Variants in BAZ2B observed in about 807,000 individuals in gnomAD.
The protein encoded by BAZ2B is bromodomain adjacent to zinc finger domain 2B, also known as bromodomain adjacent to zinc finger domain protein 2B.
A neutral mutation model predicts 246.0 loss-of-function variants in BAZ2B; 91 were observed. The ratio of observed to expected loss-of-function variants is 0.37; its 90% CI spans 0.31 to 0.44. The LOEUF is 0.44. Among genes scored for constraint, BAZ2B ranks in the 20% least tolerant of loss-of-function variants. The pLI, the probability that BAZ2B is intolerant of heterozygous loss-of-function variation, is 1.00. For synonymous variants in BAZ2B, 855 were observed against 860.0 expected (o/e 0.99, Z 0.10); for missense variants, 2,332 against 2,533.7 (o/e 0.92, Z 1.71).
intron 13 of BAZ2B, among the ~76,000 whole-genome samples, chr2:159,413,478 C>G (rs1301507635): frequency 1.3e-5 from 2 of 152,084 alleles, no homozygotes; most frequent in African/African-American, 4.8e-5. Context: ...GAGGCCGAGG[C>G]AGGCAGATCA....
chr2:159,375,221 C>A (rs1002378258), intron 25 of BAZ2B, among the ~76,000 whole-genome samples: 2 of 151,934 alleles, frequency 1.3e-5, no homozygotes, highest in South Asian at 4.1e-4. Flanking sequence ...CAAAACATAG[C>A]AAACCACACA....
At chr2:159,535,841 C>G (rs558265327) in intron 2 of BAZ2B, among the ~76,000 whole-genome samples, 1 of 152,262 alleles carries the variant, frequency 6.6e-6, no homozygotes, top group Admixed American at 6.5e-5. Flanking sequence ...CTGCAGCTAC[C>G]AGGTCACTTC....
At chr2:159,318,006 T>C (rs558101128), downstream of BAZ2B, among the ~76,000 whole-genome samples, 4 of 152,318 alleles carry the variant, frequency 2.6e-5, no homozygotes, top group East Asian at 5.8e-4. Context: ...CCTTTCTTTT[T>C]TTCCTATTTA....
intron 31 of BAZ2B, among the ~76,000 whole-genome samples, chr2:159,340,202 A>T (rs2066397679): frequency 6.6e-6 from 1 of 152,052 alleles, no homozygotes; most frequent in Admixed American, 6.5e-5. Flanking sequence ...TTGAAGTAAC[A>T]TAGGCAGACC....
rs1383664520 is a variant in BAZ2B, at chr2:159,599,456, T to A, written c.-46+16786A>T. Among the ~76,000 whole-genome samples, 8 of 151,256 alleles carry A rather than the reference T, an allele frequency of 5.3e-5. No individual in the cohort carries two copies. In the East Asian group the frequency reaches 1.6e-3, roughly 30 times the overall value. ...CAACATGGAGAAACCCCGTCTCTAC[T>A]AAAAAGACAAATTTAGCCAGGTGTG... On this transcript the variant is annotated intron_variant, in intron 1 of 36. Coordinates refer to ENST00000392783, the MANE Select transcript of BAZ2B (RefSeq NM_013450.4).
At chr2:159,354,248 T>C (rs770647929) in intron 27 of BAZ2B, among the ~76,000 whole-genome samples, 88 of 152,178 alleles carry the variant, frequency 5.8e-4, no homozygotes, top group Non-Finnish European at 1.2e-3. Context: ...AGATGACTTA[T>C]TTGTATCTAA....
At chr2:159,627,012 A>G in the BAZ2B span, among the ~76,000 whole-genome samples, 1 of 152,194 alleles carries the variant, frequency 6.6e-6, no homozygotes, top group Non-Finnish European at 1.5e-5. Flanking sequence ...TAGACATACA[A>G]ACTACCATCA....
Position 159,427,848 on chromosome 2 carries a change from A to G in BAZ2B, c.2466+93T>C, listed in dbSNP as rs904418728. The G allele has an allele frequency of 3.1e-6, 3 of 980,776 alleles. No homozygotes were observed. In the African/African-American group the frequency reaches 4.9e-5, roughly 16 times the overall value. The allele number at this position is 980,776 out of a possible 1,614,324, so 60.8% of individuals were successfully genotyped here. On this transcript the variant is annotated intron_variant, in intron 13 of 36. Coordinates refer to ENST00000392783, the MANE Select transcript of BAZ2B (RefSeq NM_013450.4). ...TATAGCCATATGAACTAATTAAAGAAAGGCAATGCTCCAGAGTGTAGTGAA... is the reference window on the plus strand; with the variant it reads ...TATAGCCATATGAACTAATTAAAGAGAGGCAATGCTCCAGAGTGTAGTGAA...
At chr2:159,652,061 C>A in the BAZ2B span, among the ~76,000 whole-genome samples, 7 of 151,940 alleles carry the variant, frequency 4.6e-5, no homozygotes, top group Non-Finnish European at 1.0e-4. Flanking sequence ...GGGTATATAC[C>A]TAGAAGTAAA....
the BAZ2B span, among the ~76,000 whole-genome samples, chr2:159,643,365 CTCTA>C: frequency 6.6e-6 from 1 of 152,092 alleles, no homozygotes; most frequent in African/African-American, 2.4e-5. Context: ...AAAGTGAACT[CTCTA>C]TCATCTCTCC....
chr2:159,345,657 C>G (rs562670713), intron 31 of BAZ2B, among the ~76,000 whole-genome samples: 10 of 152,212 alleles, frequency 6.6e-5, no homozygotes, highest in African/African-American at 1.9e-4. Context: ...CTTTCCCAAC[C>G]AACAGTCAAC....
chr2:159,681,886 C>T, the BAZ2B span, among the ~76,000 whole-genome samples: 1 of 152,148 alleles, frequency 6.6e-6, no homozygotes, highest in Non-Finnish European at 1.5e-5. Context: ...GATCACGCCA[C>T]TGCACTCCTG....
chr2:159,370,661 C>T (rs912089782), intron 27 of BAZ2B, among the ~76,000 whole-genome samples: 5 of 152,078 alleles, frequency 3.3e-5, no homozygotes, highest in Non-Finnish European at 5.9e-5. Context: ...TGTGAGCCAC[C>T]GCACCCGGCC....
chr2:159,593,067 C>G (rs1689772262), intron 1 of BAZ2B, among the ~76,000 whole-genome samples: 1 of 152,144 alleles, frequency 6.6e-6, no homozygotes, highest in Non-Finnish European at 1.5e-5. Context: ...GCTTACTCTA[C>G]TGCTAAGGGA....
the BAZ2B span, among the ~76,000 whole-genome samples, chr2:159,680,717 T>C: frequency 0.059 from 9,024 of 152,182 alleles, 320 homozygotes; most frequent in East Asian, 0.14. Context: ...AGGAATAATA[T>C]ATATTCCTTA....
chr2:159,601,191 A>G (rs531242686), intron 1 of BAZ2B, among the ~76,000 whole-genome samples: 3 of 152,186 alleles, frequency 2.0e-5, no homozygotes, highest in Non-Finnish European at 4.4e-5. Context: ...ATTTAAAATG[A>G]TCAACATCTA....
intron 20 of BAZ2B, among the ~76,000 whole-genome samples, chr2:159,392,631 T>C (rs1004966629): frequency 6.6e-6 from 1 of 152,154 alleles, no homozygotes; most frequent in Non-Finnish European, 1.5e-5. Flanking sequence ...CAGTCCAACT[T>C]TCCTCTCCCA....
At chr2:159,548,713 T>C (rs1213404926) in intron 2 of BAZ2B, among the ~76,000 whole-genome samples, 2 of 152,162 alleles carry the variant, frequency 1.3e-5, no homozygotes, top group Non-Finnish European at 2.9e-5. Flanking sequence ...GTGGAAGGAT[T>C]GCTTGAGGCC....
At chr2:159,686,127 G>A in the BAZ2B span, among the ~76,000 whole-genome samples, 1 of 152,092 alleles carries the variant, frequency 6.6e-6, no homozygotes, top group Non-Finnish European at 1.5e-5. Flanking sequence ...TTAGCTGAGT[G>A]TAGTGGCATG....
Sources: gnomAD v4.1 joint callset for allele counts (sites outside exome capture counted in the v4.1 genomes callset) on GRCh38, gnomAD v4.1.1 for gene constraint, MANE v1.5 for transcripts, NCBI Gene and HGNC (gene_info 2026-07-23, HGNC 2026-07-21) for gene names.